Variants in FAM193A observed in about 807,000 individuals in gnomAD.
FAM193A encodes the protein protein FAM193A.
FAM193A carries 22 observed loss-of-function variants against 126.5 expected under a neutral mutation model. That is an observed-to-expected ratio of 0.17 (90% CI 0.12 to 0.25). FAM193A has a LOEUF of 0.25. Ranked by LOEUF, FAM193A falls within the 10% of genes least tolerant of loss-of-function variation. The probability of loss-of-function intolerance (pLI) is 1.00; values close to 1 mark genes in which losing one functional copy is unlikely to be tolerated. For synonymous variants in FAM193A, 761 were observed against 646.8 expected (o/e 1.18, Z -2.68); for missense variants, 1,675 against 1,672.8 (o/e 1.00, Z -0.02).
At position 2,663,183 on chromosome 4, in the gene FAM193A, G is replaced by A. The variant is rs776838827; in HGVS notation, c.1974G>A (p.Gly658=). The A allele has an allele frequency of 1.2e-6, 2 of 1,614,162 alleles. No individual in the cohort carries two copies. Among genetic ancestry groups the A allele is most frequent in the Admixed American group, 3.3e-5 (2 of 60,018 alleles). Residue 658 remains glycine, a synonymous_variant, in exon 12 of 21, where the codon GGG becomes GGA. Transcript: ENST00000637812. ...AAGAAGCGGACGGCGAGAGTAGTGGGGAGCCCCCAGGGGCCCCGAAGGAAG... is the reference window on the plus strand; with the variant it reads ...AAGAAGCGGACGGCGAGAGTAGTGGAGAGCCCCCAGGGGCCCCGAAGGAAG... ...DDEEADGESS[G]EPPGAPKEDG...
intron 1 of FAM193A, among the ~76,000 whole-genome samples, chr4:2,561,080 G>A (rs17164050): frequency 0.23 from 35,041 of 152,220 alleles, 4,182 homozygotes; most frequent in East Asian, 0.32. Context: ...CCAGGCTTTG[G>A]TGAACTTTTA....
At chr4:2,611,193 A>G (rs1741849332) in intron 2 of FAM193A, among the ~76,000 whole-genome samples, 2 of 152,198 alleles carry the variant, frequency 1.3e-5, no homozygotes, top group Non-Finnish European at 2.9e-5. Flanking sequence ...GGATATTGGC[A>G]GTCTTTACTT....
At chr4:2,541,465 G>A (rs921060812) in intron 1 of FAM193A, among the ~76,000 whole-genome samples, 1 of 53,620 alleles carries the variant, frequency 1.9e-5, no homozygotes. Flanking sequence ...TTTTTTTTTT[G>A]AGACAGAGTC....
In FAM193A at chr4:2,718,372, A is replaced by G. The variant is rs567419910; in HGVS notation, c.4454+2268A>G. ...TAACTATCAAAGTCAGGTGATGGCT[A>G]TGTTCATTATGCTATACTATCTGTT... On this transcript the variant is annotated intron_variant, in intron 20 of 20. Coordinates refer to ENST00000637812, the MANE Select transcript of FAM193A (RefSeq NM_001366318.2). Among the ~76,000 whole-genome samples, 11 of 152,158 alleles carry G rather than the reference A, an allele frequency of 7.2e-5. No homozygotes were observed. In the South Asian group the frequency reaches 8.3e-4, roughly 11 times the overall value.
At chr4:2,686,860 T>C (rs1045289484) in intron 13 of FAM193A, among the ~76,000 whole-genome samples, 6 of 152,208 alleles carry the variant, frequency 3.9e-5, no homozygotes, top group African/African-American at 1.2e-4. Context: ...AGTCTTCTAC[T>C]TGTTACTTTT....
rs575407540 is a variant in FAM193A, at chr4:2,611,072, T to G, written c.502-14190T>G. 3.3e-5 allele frequency among the ~76,000 whole-genome samples: 5 copies of G among 152,124 alleles called. No homozygotes were observed. In the South Asian group the frequency reaches 8.3e-4, roughly 25 times the overall value. Reference sequence around the variant, plus strand: ...CTTTTAAGTGGATGCAATTTACTTCTCTTTGATAAACACCTGGGAGTGGAA... The same window carrying G: ...CTTTTAAGTGGATGCAATTTACTTCGCTTTGATAAACACCTGGGAGTGGAA... On this transcript the variant is annotated intron_variant, in intron 2 of 20. Transcript: ENST00000637812.
rs542035893 is a variant in FAM193A at position 2,593,056 on chromosome 4, C to T, written c.256-3028C>T. Among the ~76,000 whole-genome samples, 16 of 152,212 alleles carry T rather than the reference C, an allele frequency of 1.1e-4. No homozygotes were observed. The South Asian group carries it at 2.5e-3, about 24-fold the overall frequency. Reference sequence around the variant, plus strand: ...GCCTACAAGCCCTGAAAGGACCAGACTCTTCCCAAACAACCCTCCTATGGC... The same window carrying T: ...GCCTACAAGCCCTGAAAGGACCAGATTCTTCCCAAACAACCCTCCTATGGC... On this transcript the variant is annotated intron_variant, in intron 1 of 20. Transcript: ENST00000637812.
At chr4:2,660,918 G>A (rs1165160361) in intron 10 of FAM193A, among the ~76,000 whole-genome samples, 4 of 152,230 alleles carry the variant, frequency 2.6e-5, no homozygotes, top group Admixed American at 2.6e-4. Context: ...GCAGGCTGCT[G>A]TTTATTGCCT....
intron 5 of FAM193A, among the ~76,000 whole-genome samples, chr4:2,631,969 A>G (rs539921006): frequency 6.6e-6 from 1 of 152,072 alleles, no homozygotes; most frequent in African/African-American, 2.4e-5. Flanking sequence ...ATAATACTTA[A>G]CTGTATTTGG....
chr4:2,699,601 A>G (rs1376428735), intron 18 of FAM193A, 79 bp from the exon 19 acceptor site: 1 of 1,429,112 alleles, frequency 7.0e-7, no homozygotes, highest in African/African-American at 1.4e-5. Flanking sequence ...TTCGTTTTTG[A>G]AATTATCTTA....
intron 13 of FAM193A, among the ~76,000 whole-genome samples, chr4:2,678,367 T>TG (rs1391198062): frequency 9.4e-5 from 14 of 148,454 alleles, no homozygotes; most frequent in African/African-American, 2.7e-4. Flanking sequence ...GTGGTTTTTT[T>TG]TTTTTTTTTT....
intron 1 of FAM193A, among the ~76,000 whole-genome samples, chr4:2,540,701 C>T (rs1041241111): frequency 2.0e-5 from 3 of 152,158 alleles, no homozygotes; most frequent in African/African-American, 7.2e-5. Context: ...TGGCTCACAC[C>T]TGTAATCCCA....
rs576762741 is a variant in FAM193A at position 2,708,549 on chromosome 4, G to A, written c.4373-7474G>A. 1.7e-4 allele frequency among the ~76,000 whole-genome samples: 26 copies of A among 151,670 alleles called. 1 individual carries two copies. The highest frequency in any genetic ancestry group is 3.4e-3 in the Middle Eastern group (1 of 294). The stretch of plus-strand genomic sequence containing the variant: ...GCGATCTTGGATCACTGCAGCCTAC[G>A]CCTTCTGGGTTCAAGCGATTTTCCT... On this transcript the variant is annotated intron_variant, in intron 19 of 20. Transcript: ENST00000637812.
At position 2,704,813 on chromosome 4, in the gene FAM193A, A is replaced by C. The variant is rs761932910; in HGVS notation, c.4372+4269A>C. Among the ~76,000 whole-genome samples the C allele has an allele frequency of 1.3e-3, 199 of 152,148 alleles. 3 individuals are homozygous for C. Among genetic ancestry groups the C allele is most frequent in the Non-Finnish European group, 4.3e-4 (29 of 68,026 alleles). On this transcript the variant is annotated intron_variant, in intron 19 of 20. Transcript: ENST00000637812. ...CCTCTAATTACAATGAGGTCAATAT[A>C]TTATTAAGGGCTATTTCTTTTTGTG... is the stretch of plus-strand genomic sequence containing the variant.
intron 2 of FAM193A, among the ~76,000 whole-genome samples, chr4:2,601,742 T>C (rs1056807510): frequency 5.9e-5 from 9 of 151,896 alleles, no homozygotes; most frequent in Non-Finnish European, 1.2e-4. Flanking sequence ...AAAAAAATTA[T>C]AAACCAAAAA....
chr4:2,715,980 C>T (rs1399741060), intron 19 of FAM193A, 43 bp from the exon 20 acceptor site: 2 of 1,046,342 alleles, frequency 1.9e-6, no homozygotes, highest in Admixed American at 3.4e-5. Flanking sequence ...ATAAGATAGC[C>T]TGCTGCTGTA....
intron 1 of FAM193A, among the ~76,000 whole-genome samples, chr4:2,549,419 C>T (rs1362245427): frequency 7.4e-5 from 8 of 108,736 alleles, no homozygotes; most frequent in African/African-American, 3.0e-4. Context: ...TTTTTTGAGA[C>T]GGAGTCTCGC....
At chr4:2,566,266 C>T (rs1738941525) in intron 1 of FAM193A, among the ~76,000 whole-genome samples, 1 of 152,138 alleles carries the variant, frequency 6.6e-6, no homozygotes, top group South Asian at 2.1e-4. Flanking sequence ...CCAGCATGGT[C>T]TCGATCTTCT....
At chr4:2,710,158 T>G (rs1240221976) in intron 19 of FAM193A, among the ~76,000 whole-genome samples, 3 of 134,708 alleles carry the variant, frequency 2.2e-5, no homozygotes, top group Non-Finnish European at 3.1e-5. Context: ...CTGTTCTTCT[T>G]TTGTTTTTTT....
Sources: allele counts gnomAD v4.1 joint callset (sites outside exome capture counted in the v4.1 genomes callset), GRCh38; gene constraint gnomAD v4.1.1; transcripts MANE v1.5; gene names NCBI Gene and HGNC (gene_info 2026-07-23, HGNC 2026-07-21).